Variants in KCNMA1 observed in about 807,000 individuals in gnomAD.
KCNMA1 encodes the protein potassium calcium-activated channel subfamily M alpha 1, also known as Calcium-activated potassium channel subunit alpha-1.
A neutral mutation model predicts 140.0 loss-of-function variants in KCNMA1; 29 were observed. That is an observed-to-expected ratio of 0.21 (90% confidence interval 0.15 to 0.28). The LOEUF is 0.28. Ranked by LOEUF, KCNMA1 falls within the 10% of genes least tolerant of loss-of-function variation. The pLI is 1.00. For synonymous variants in KCNMA1, 612 were observed against 611.9 expected (o/e 1.00, Z 0.00); for missense variants, 880 against 1,602.2 (o/e 0.55, Z 7.70).
chr10:77,237,701 C>T (rs1311477594), intron 3 of KCNMA1, among the ~76,000 whole-genome samples: 1 of 152,218 alleles, frequency 6.6e-6, no homozygotes, highest in South Asian at 2.1e-4. Context: ...GATCCTCTTA[C>T]CTCATGTGAG....
chr10:77,456,289 A>T (rs2097761515), intron 1 of KCNMA1, among the ~76,000 whole-genome samples: 1 of 152,100 alleles, frequency 6.6e-6, no homozygotes, highest in Admixed American at 6.5e-5. Context: ...CTTTCTCTGG[A>T]GACCTTGGAA....
intron 2 of KCNMA1, chr10:77,315,711 T>C (rs2080672954): frequency 6.6e-6 from 1 of 152,202 alleles, no homozygotes; most frequent in South Asian, 2.1e-4. Context: ...CTGCAATTCT[T>C]TTCCCCCACA....
chr10:77,041,188 G>A (rs1463549941), intron 14 of KCNMA1, among the ~76,000 whole-genome samples: 125 of 3,588 alleles, frequency 0.035, 25 homozygotes, highest in African/African-American at 0.061. Flanking sequence ...TTTTTGAGAC[G>A]GAGTCTCGCT....
intron 18 of KCNMA1, among the ~76,000 whole-genome samples, chr10:77,006,450 G>A (rs2088686641): frequency 1.3e-5 from 2 of 152,164 alleles, no homozygotes; most frequent in Admixed American, 1.3e-4. Flanking sequence ...AATATCCACG[G>A]AAGAAAAAGT....
intron 9 of KCNMA1, among the ~76,000 whole-genome samples, chr10:77,092,782 C>T (rs1413994558): frequency 6.6e-6 from 1 of 152,216 alleles, no homozygotes; most frequent in Non-Finnish European, 1.5e-5. Flanking sequence ...AATGCCTGAA[C>T]ATTCGTTCTT....
In KCNMA1 at chr10:77,112,350, T is replaced by A; in HGVS notation, c.960+17A>T. 1.3e-6 allele frequency: 2 copies of A among 1,592,368 alleles called. No individual in the cohort carries two copies. The highest frequency in any genetic ancestry group is 1.3e-5 in the African/African-American group (1 of 74,512). On this transcript the variant is annotated intron_variant, in intron 7 of 27. Transcript: ENST00000286628. ...TTGCAGGCAAGCGAGAGCAGAAGGG[T>A]CTTCAAGGTTACTCACCAAATGGAT...
At chr10:77,266,250 T>G (rs2063410818) in intron 2 of KCNMA1, among the ~76,000 whole-genome samples, 1 of 152,032 alleles carries the variant, frequency 6.6e-6, no homozygotes, top group Non-Finnish European at 1.5e-5. Context: ...CCTTTATCAT[T>G]AGAAAGAAAC....
At chr10:77,402,476 G>A (rs2096303062) in intron 2 of KCNMA1, among the ~76,000 whole-genome samples, 1 of 152,148 alleles carries the variant, frequency 6.6e-6, no homozygotes, top group African/African-American at 2.4e-5. Context: ...ATCAGCCATG[G>A]TTTCATAACC....
intron 2 of KCNMA1, among the ~76,000 whole-genome samples, chr10:77,351,874 A>G (rs1343186812): frequency 1.3e-5 from 2 of 152,214 alleles, no homozygotes; most frequent in East Asian, 3.9e-4. Context: ...AATTGTTTCT[A>G]GTGCATGCTT....
rs73284462 is a variant in KCNMA1, at chr10:77,518,811, T to C, written c.379-114788A>G. Among the ~76,000 whole-genome samples the C allele has an allele frequency of 3.9e-3, 588 of 152,248 alleles. 3 individuals carry two copies. The highest frequency in any genetic ancestry group is 0.013 in the African/African-American group (553 of 41,550). ...CTCCTCACTTTGCCATCAAAGACAA[T>C]AGGTCTATGTTCTGATCCCTGCCTC... On this transcript the variant is annotated intron_variant, in intron 1 of 27. Coordinates refer to ENST00000286628, the MANE Select transcript of KCNMA1 (RefSeq NM_001161352.2).
intron 19 of KCNMA1, among the ~76,000 whole-genome samples, chr10:76,990,249 G>A (rs1035583406): frequency 3.9e-5 from 6 of 152,198 alleles, no homozygotes; most frequent in East Asian, 1.9e-4. Context: ...ATAGCCATGA[G>A]CATCTACTTG....
chr10:77,502,560 C>T (rs529712326), intron 1 of KCNMA1, among the ~76,000 whole-genome samples: 31 of 152,250 alleles, frequency 2.0e-4, no homozygotes, highest in African/African-American at 6.5e-4. Flanking sequence ...CTTTCAGTTG[C>T]GTCTGATTTG....
chr10:77,589,095 C>A (rs186006218), intron 1 of KCNMA1, among the ~76,000 whole-genome samples: 62 of 152,316 alleles, frequency 4.1e-4, no homozygotes, highest in African/African-American at 1.5e-3. Context: ...ACTTTATTTA[C>A]AAAACATGCA....
intron 1 of KCNMA1, among the ~76,000 whole-genome samples, chr10:77,472,063 C>A (rs1443128943): frequency 1.3e-5 from 2 of 150,192 alleles, no homozygotes; most frequent in Non-Finnish European, 3.0e-5. Context: ...ACCACATACA[C>A]ACATGCACCA....
At chr10:77,016,901 T>C (rs1467720138) in intron 17 of KCNMA1, among the ~76,000 whole-genome samples, 1 of 152,182 alleles carries the variant, frequency 6.6e-6, no homozygotes, top group Admixed American at 6.5e-5. Flanking sequence ...GAGATCATCA[T>C]AATCTACTTT....
intron 3 of KCNMA1, among the ~76,000 whole-genome samples, chr10:77,205,758 C>G (rs1003196840): frequency 3.9e-5 from 6 of 152,098 alleles, no homozygotes; most frequent in Non-Finnish European, 7.4e-5. Flanking sequence ...TTTTGATAAC[C>G]TGCTCCTTCT....
chr10:76,903,711 C>G (rs375093919), intron 25 of KCNMA1: 1 of 152,338 alleles, frequency 6.6e-6, no homozygotes, highest in African/African-American at 2.4e-5. Flanking sequence ...ATTAGGTTAG[C>G]TTGGACTGAT....
At chr10:76,971,499 T>A (rs1037075244) in intron 19 of KCNMA1, among the ~76,000 whole-genome samples, 17 of 152,174 alleles carry the variant, frequency 1.1e-4, no homozygotes, top group African/African-American at 4.1e-4. Context: ...ACTCTCCTAT[T>A]CTGCTGTCAG....
intron 2 of KCNMA1, among the ~76,000 whole-genome samples, chr10:77,367,379 G>A (rs146953766): frequency 2.6e-4 from 39 of 152,232 alleles, no homozygotes; most frequent in African/African-American, 5.3e-4. Flanking sequence ...GTCTCTCAGC[G>A]TAGGAATGAA....
Sources: gnomAD v4.1 joint callset for allele counts (sites outside exome capture counted in the v4.1 genomes callset) on GRCh38, gnomAD v4.1.1 for gene constraint, MANE v1.5 for transcripts, NCBI Gene and HGNC (gene_info 2026-07-23, HGNC 2026-07-21) for gene names.